The following TMEM178B variants were observed in gnomAD, a reference collection of about 807,000 sequenced individuals.
TMEM178B encodes transmembrane protein 178B.
Under a neutral mutation model 31.0 loss-of-function variants are expected in TMEM178B, and 5 were observed. That is an observed-to-expected ratio of 0.16 (90% confidence interval 0.08 to 0.34). TMEM178B has a LOEUF of 0.34. Among genes scored for constraint, TMEM178B ranks in the 10% least tolerant of loss-of-function variants. TMEM178B has a pLI of 1.00. For missense variants in TMEM178B, 275 were observed against 400.3 expected, an observed-to-expected ratio of 0.69 and a Z score of 2.67; for synonymous variants, 164 against 164.0, an observed-to-expected ratio of 1.00 and a Z score of 0.00.
chr7:141,189,502 C>A (rs545369944), intron 1 of TMEM178B, among the ~76,000 whole-genome samples: 1 of 152,352 alleles, frequency 6.6e-6, no homozygotes, highest in African/African-American at 2.4e-5. Flanking sequence ...TGAAGTTCAT[C>A]TGAGGCCAGG....
intron 2 of TMEM178B, among the ~76,000 whole-genome samples, chr7:141,388,416 T>C (rs1800472849): frequency 6.6e-6 from 1 of 152,200 alleles, no homozygotes; most frequent in Non-Finnish European, 1.5e-5. Context: ...TCACTAAAGA[T>C]TGATCTACTT....
intron 3 of TMEM178B, among the ~76,000 whole-genome samples, chr7:141,454,411 G>A (rs1381293947): frequency 6.6e-6 from 1 of 152,124 alleles, no homozygotes; most frequent in Admixed American, 6.5e-5. Context: ...CCAAGCACGT[G>A]GGGCCCAGTA....
chr7:141,202,617 T>C (rs1796896117), intron 1 of TMEM178B, among the ~76,000 whole-genome samples: 1 of 152,212 alleles, frequency 6.6e-6, no homozygotes, highest in South Asian at 2.1e-4. Flanking sequence ...ATAACACTTT[T>C]CCTTAGTATG....
chr7:141,360,147 A>C (rs1443766258), intron 2 of TMEM178B, among the ~76,000 whole-genome samples: 1 of 152,198 alleles, frequency 6.6e-6, no homozygotes, highest in Non-Finnish European at 1.5e-5. Flanking sequence ...TTATTTCATA[A>C]ATTTAGCTTT....
At chr7:141,297,981 A>G (rs1419207956) in intron 2 of TMEM178B, among the ~76,000 whole-genome samples, 1 of 152,170 alleles carries the variant, frequency 6.6e-6, no homozygotes, top group Non-Finnish European at 1.5e-5. Flanking sequence ...CAACAGTGTA[A>G]AAGTGTTTCT....
chr7:141,350,923 C>T (rs923150504), intron 2 of TMEM178B, among the ~76,000 whole-genome samples: 1 of 152,162 alleles, frequency 6.6e-6, no homozygotes, highest in Admixed American at 6.5e-5. Flanking sequence ...CAAAGAATAA[C>T]CCCTATCCCT....
intron 1 of TMEM178B, among the ~76,000 whole-genome samples, chr7:141,191,528 C>A (rs546741451): frequency 5.9e-5 from 9 of 152,230 alleles, no homozygotes; most frequent in Non-Finnish European, 1.0e-4. Context: ...ACCTTGCTTC[C>A]GGGCCTTGGC....
intron 2 of TMEM178B, among the ~76,000 whole-genome samples, chr7:141,310,533 C>G (rs928365159): frequency 1.3e-5 from 2 of 152,158 alleles, no homozygotes; most frequent in African/African-American, 2.4e-5. Context: ...AGGTTTTAAG[C>G]CCTGCATGCA....
chr7:141,265,693 A>G (rs901571226), intron 2 of TMEM178B, among the ~76,000 whole-genome samples: 1 of 152,192 alleles, frequency 6.6e-6, no homozygotes, highest in South Asian at 2.1e-4. Context: ...TGGATGAAGA[A>G]CAAAGAAGCA....
chr7:141,418,881 A>G (rs953794099), intron 2 of TMEM178B, among the ~76,000 whole-genome samples: 3 of 150,686 alleles, frequency 2.0e-5, no homozygotes, highest in African/African-American at 7.4e-5. Context: ...CTCTTCTCTT[A>G]TGAGATTTGT....
intron 2 of TMEM178B, among the ~76,000 whole-genome samples, chr7:141,382,060 G>T (rs1800326153): frequency 1.3e-5 from 2 of 152,186 alleles, no homozygotes; most frequent in African/African-American, 4.8e-5. Context: ...ATTCAACGAA[G>T]TATGATCCCT....
At chr7:141,355,183 C>T (rs1461878588) in intron 2 of TMEM178B, among the ~76,000 whole-genome samples, 2 of 152,094 alleles carry the variant, frequency 1.3e-5, no homozygotes, top group Non-Finnish European at 2.9e-5. Flanking sequence ...TTTCTAGGGC[C>T]GTCTCCAGCT....
chr7:141,182,839 TCTC>T (rs1796552502), intron 1 of TMEM178B, among the ~76,000 whole-genome samples: 1 of 152,278 alleles, frequency 6.6e-6, no homozygotes, highest in African/African-American at 2.4e-5. Context: ...TGCCTTTGCT[TCTC>T]CTTTGCCTTC....
chr7:141,184,600 T>C (rs977107005), intron 1 of TMEM178B, among the ~76,000 whole-genome samples: 2 of 152,176 alleles, frequency 1.3e-5, no homozygotes, highest in South Asian at 2.1e-4. Flanking sequence ...GCCTTGGGTG[T>C]GTGGCAATGT....
chr7:141,397,036 G>A (rs552878460), intron 2 of TMEM178B, among the ~76,000 whole-genome samples: 8 of 152,276 alleles, frequency 5.3e-5, no homozygotes, highest in Admixed American at 1.3e-4. Flanking sequence ...AACGAGATGT[G>A]GGAATAGTGT....
intron 2 of TMEM178B, among the ~76,000 whole-genome samples, chr7:141,292,634 C>T (rs867849789): frequency 1.1e-4 from 12 of 106,130 alleles, no homozygotes; most frequent in Non-Finnish European, 1.8e-4. Context: ...GCTTTTAGAT[C>T]TTTTTTTTTT....
intron 1 of TMEM178B, among the ~76,000 whole-genome samples, chr7:141,137,637 A>AT (rs969913953): frequency 6.6e-6 from 1 of 152,226 alleles, no homozygotes; most frequent in African/African-American, 2.4e-5. Flanking sequence ...GTTAACCATA[A>AT]TTTATTGTAT....
chr7:141,176,434 C>T (rs1207003917), intron 1 of TMEM178B, among the ~76,000 whole-genome samples: 10 of 152,124 alleles, frequency 6.6e-5, no homozygotes, highest in Non-Finnish European at 2.9e-5. Flanking sequence ...TTTGTTGTGT[C>T]TCTGTCAGGT....
chr7:141,352,727 C>G (rs1252472161), intron 2 of TMEM178B: 1 of 153,362 alleles, frequency 6.5e-6, no homozygotes, highest in African/African-American at 2.4e-5. Flanking sequence ...GAAGAGGATG[C>G]TGGTGGAGAG....
Sources: gnomAD v4.1 joint callset for allele counts (sites outside exome capture counted in the v4.1 genomes callset) on GRCh38, gnomAD v4.1.1 for gene constraint, MANE v1.5 for transcripts, NCBI Gene and HGNC (gene_info 2026-07-23, HGNC 2026-07-21) for gene names.